Variants in ZNF248 observed in about 807,000 individuals in gnomAD.
ZNF248 encodes KRAB protein domain.
In ZNF248, 20 loss-of-function variants were observed where a neutral mutation model predicts 44.3. The observed-to-expected ratio is 0.45, with a 90% CI of 0.32 to 0.66. The LOEUF is 0.66. Among genes scored for constraint, ZNF248 ranks in the 30% least tolerant of loss-of-function variants. ZNF248 has a pLI of 0.04. For synonymous variants in ZNF248, 224 were observed against 229.0 expected (o/e 0.98, Z 0.20); for missense variants, 654 against 677.0 (o/e 0.97, Z 0.38).
chr10:37,824,672 A>ATTTTTTTTTTTTTTTTTTTTT (rs1564542451), downstream of ZNF248, among the ~76,000 whole-genome samples: 14 of 61,290 alleles, frequency 2.3e-4, no homozygotes, highest in African/African-American at 8.1e-4. Context: ...AATTATTTTA[A>ATTTTTTTTTTTTTTTTTTTTT]ATTTTTTTTT....
intron 3 of ZNF248, among the ~76,000 whole-genome samples, chr10:37,855,172 T>G (rs1223706087): frequency 1.3e-5 from 2 of 152,190 alleles, no homozygotes; most frequent in Non-Finnish European, 2.9e-5. Context: ...TAGACATCTT[T>G]GGTAGGTTGA....
intron 6 of ZNF248, among the ~76,000 whole-genome samples, chr10:37,778,367 A>C (rs1240731239): frequency 2.0e-5 from 3 of 152,140 alleles, no homozygotes; most frequent in Admixed American, 6.5e-5. Flanking sequence ...TCCTTTGCCC[A>C]CTTTTTGATA....
the ZNF248 span, among the ~76,000 whole-genome samples, chr10:37,770,239 C>A: frequency 6.6e-5 from 10 of 152,156 alleles, no homozygotes; most frequent in South Asian, 8.3e-4. Context: ...CATCAAGCTA[C>A]CAATCACTTT....
At chr10:37,787,017 T>G (rs185474432) in intron 6 of ZNF248, among the ~76,000 whole-genome samples, 1 of 152,162 alleles carries the variant, frequency 6.6e-6, no homozygotes, top group East Asian at 1.9e-4. Flanking sequence ...CTTTGGCTCA[T>G]GCCTTTAATC....
intron 1 of ZNF248, chr10:37,856,840 G>T: frequency 4.0e-6 from 2 of 494,574 alleles, no homozygotes; most frequent in Non-Finnish European, 5.2e-6. Context: ...GGGCAGCAGT[G>T]GCTCGGGAAA....
chr10:37,809,282 G>A (rs185941917), intron 6 of ZNF248, among the ~76,000 whole-genome samples: 2 of 151,156 alleles, frequency 1.3e-5, no homozygotes, highest in African/African-American at 4.9e-5. Flanking sequence ...TTTATTTATT[G>A]TTTATTTATT....
chr10:37,819,064 G>C (rs1223701598), intron 6 of ZNF248: 1 of 797,902 alleles, frequency 1.3e-6, no homozygotes, highest in Non-Finnish European at 2.3e-6. Flanking sequence ...CATCATCCAT[G>C]ATCTTCGAAA....
intron 6 of ZNF248, among the ~76,000 whole-genome samples, chr10:37,809,621 T>C (rs986117438): frequency 6.6e-6 from 1 of 152,190 alleles, no homozygotes; most frequent in African/African-American, 2.4e-5. Flanking sequence ...TAATGTTAGA[T>C]AACTGATTTG....
At chr10:37,813,805 C>G (rs1415412174) in intron 6 of ZNF248, among the ~76,000 whole-genome samples, 5 of 152,102 alleles carry the variant, frequency 3.3e-5, no homozygotes, top group Admixed American at 2.0e-4. Context: ...CCCTAACCCA[C>G]CACCAATTGT....
Position 37,831,966 on chromosome 10 carries a change from G to A in ZNF248, c.1389C>T (p.Pro463=). The change falls in exon 6 of 6, where the codon CCC becomes CCT. Residue 463 remains proline, a synonymous_variant. Coordinates refer to ENST00000395867, the MANE Select transcript of ZNF248 (RefSeq NM_021045.3). The part of the protein sequence containing the change: ...EHQRTHTGEK[P]YECNACGKSF... ...ATTTCCCACATGCATTACATTCATAGGGCTTCTCCCCTGTGTGTGTTCTCT... is the reference window on the plus strand; with the variant it reads ...ATTTCCCACATGCATTACATTCATAAGGCTTCTCCCCTGTGTGTGTTCTCT... 6.2e-7 allele frequency: 1 copy of A among 1,612,512 alleles called. No homozygotes were observed. The highest frequency in any genetic ancestry group is 8.5e-7 in the Non-Finnish European group (1 of 1,179,464).
At chr10:37,826,650 A>G (rs1040695167), downstream of ZNF248, among the ~76,000 whole-genome samples, 1 of 152,234 alleles carries the variant, frequency 6.6e-6, no homozygotes, top group African/African-American at 2.4e-5. Context: ...ACTAAAAACC[A>G]TACGTAATAG....
intron 6 of ZNF248, among the ~76,000 whole-genome samples, chr10:37,801,455 C>T (rs1427991413): frequency 6.6e-6 from 1 of 151,734 alleles, no homozygotes; most frequent in South Asian, 2.1e-4. Context: ...ACAGATCAGC[C>T]TAGATAAAAA....
intron 6 of ZNF248, among the ~76,000 whole-genome samples, chr10:37,808,973 T>C (rs1220662200): frequency 6.6e-6 from 1 of 152,172 alleles, no homozygotes; most frequent in African/African-American, 2.4e-5. Context: ...TGATATTGTG[T>C]TCCTAGATAT....
intron 6 of ZNF248, among the ~76,000 whole-genome samples, chr10:37,796,450 C>T (rs2049165944): frequency 6.6e-6 from 1 of 151,900 alleles, no homozygotes; most frequent in African/African-American, 2.4e-5. Context: ...AACTCCTGTC[C>T]TCAAGTGATC....
intron 3 of ZNF248, among the ~76,000 whole-genome samples, chr10:37,845,168 C>T (rs74541159): frequency 6.6e-6 from 1 of 151,670 alleles, no homozygotes; most frequent in Non-Finnish European, 1.5e-5. Flanking sequence ...ACTCCAGGCA[C>T]GTGCCACCAC....
At chr10:37,827,808 C>T (rs901349956), downstream of ZNF248, among the ~76,000 whole-genome samples, 7 of 152,186 alleles carry the variant, frequency 4.6e-5, no homozygotes, top group Non-Finnish European at 8.8e-5. Context: ...CTGAACCCTC[C>T]CAGAAGCAAT....
At chr10:37,774,929 C>T (rs1259721361), downstream of ZNF248, among the ~76,000 whole-genome samples, 1 of 152,042 alleles carries the variant, frequency 6.6e-6, no homozygotes, top group Non-Finnish European at 1.5e-5. Context: ...CGCCACCACA[C>T]CTGACTAATT....
At chr10:37,788,650 C>G (rs182516240) in intron 6 of ZNF248, among the ~76,000 whole-genome samples, 11 of 152,126 alleles carry the variant, frequency 7.2e-5, no homozygotes, top group Admixed American at 1.3e-4. Context: ...CAAATGCAAA[C>G]AAAGCAAACA....
At chr10:37,846,450 A>G (rs892385685) in intron 3 of ZNF248, among the ~76,000 whole-genome samples, 9 of 152,136 alleles carry the variant, frequency 5.9e-5, no homozygotes, top group African/African-American at 2.2e-4. Context: ...CTTGGTCAAC[A>G]GGATCTGGTG....
Sources: allele counts gnomAD v4.1 joint callset (sites outside exome capture counted in the v4.1 genomes callset), GRCh38; gene constraint gnomAD v4.1.1; transcripts MANE v1.5; gene names NCBI Gene and HGNC (gene_info 2026-07-23, HGNC 2026-07-21).